The following CHD2 variants were observed in gnomAD, a reference collection of about 807,000 sequenced individuals.
The protein encoded by CHD2 is chromodomain helicase DNA binding protein 2.
In CHD2, 28 loss-of-function variants were observed where a neutral mutation model predicts 243.9. That is an observed-to-expected ratio of 0.11 (90% CI 0.09 to 0.16). CHD2 has a LOEUF of 0.16. Ranked by LOEUF, CHD2 falls within the 10% of genes least tolerant of loss-of-function variation. The probability of loss-of-function intolerance (pLI) is 1.00; values close to 1 mark genes in which losing one functional copy is unlikely to be tolerated. For synonymous variants in CHD2, 775 were observed against 779.0 expected, an observed-to-expected ratio of 0.99 and a Z score of 0.09; for missense variants, 1,386 against 2,209.8, an observed-to-expected ratio of 0.63 and a Z score of 7.47.
intron 6 of CHD2, 98 bp from the exon 7 acceptor site, chr15:92,939,480 C>T (rs2141778130): frequency 8.0e-7 from 1 of 1,254,444 alleles, no homozygotes; most frequent in Admixed American, 2.4e-5. Context: ...ATGTTACATT[C>T]TGATGTATGA....
intron 2 of CHD2, among the ~76,000 whole-genome samples, chr15:92,915,828 T>G (rs2052823882): frequency 6.6e-6 from 1 of 152,140 alleles, no homozygotes; most frequent in Admixed American, 6.5e-5. Context: ...TTTTCCTAAA[T>G]AAGATAGCTA....
intron 2 of CHD2, among the ~76,000 whole-genome samples, chr15:92,903,818 T>C (rs1342237386): frequency 6.6e-6 from 1 of 152,236 alleles, no homozygotes; most frequent in Admixed American, 6.5e-5. Context: ...TTATTAAATT[T>C]ATCTCCAAAT....
chr15:92,913,442 C>G (rs985450258), intron 2 of CHD2, among the ~76,000 whole-genome samples: 1 of 152,170 alleles, frequency 6.6e-6, no homozygotes, highest in African/African-American at 2.4e-5. Context: ...GCTTGTCACT[C>G]TGGGGGTGGG....
At chr15:92,980,394 TC>T (rs2053964408) in intron 22 of CHD2, among the ~76,000 whole-genome samples, 1 of 152,052 alleles carries the variant, frequency 6.6e-6, no homozygotes, top group Non-Finnish European at 1.5e-5. Flanking sequence ...AATTAGCCCT[TC>T]CTAAATAAAA....
intron 2 of CHD2, among the ~76,000 whole-genome samples, chr15:92,909,794 G>C (rs998463874): frequency 2.0e-5 from 3 of 152,014 alleles, no homozygotes; most frequent in Non-Finnish European, 4.4e-5. Context: ...TGGGATTACA[G>C]ATGTGAGCCA....
At chr15:92,981,876 T>C (rs895440474) in intron 24 of CHD2, among the ~76,000 whole-genome samples, 1 of 152,120 alleles carries the variant, frequency 6.6e-6, no homozygotes, top group African/African-American at 2.4e-5. Flanking sequence ...GTTTGGTAAG[T>C]GAGAGAAAGA....
Position 92,997,424 on chromosome 15 carries a change from A to G in CHD2, c.3885+21A>G, listed in dbSNP as rs1025024379. ...ACAAAGTAAGTAACCCTACCATGCT[A>G]GAGATTTCTAGAAGATTTGTTGTGT... On this transcript the variant is annotated intron_variant, in intron 30 of 38. Coordinates refer to ENST00000394196, the MANE Select transcript of CHD2 (RefSeq NM_001271.4). This position sits in a 1 kb window ranked among gnomAD's most constrained non-coding sequence, Gnocchi z 4.1. The G allele has an allele frequency of 6.6e-7, 1 of 1,525,428 alleles. No individual in the cohort carries two copies. 94.5% of individuals were successfully genotyped at this position (1,525,428 alleles called of 1,614,324 possible).
chr15:93,004,535 TAACAC>T, intron 33 of CHD2, 77 bp from the exon 34 acceptor site: 15 of 1,307,262 alleles, frequency 1.1e-5, no homozygotes, highest in Non-Finnish European at 1.4e-5. Context: ...CCCATTTTAA[TAACAC>T]AACATAGGTA....
chr15:93,019,519 ATGTC>A (rs879479318), intron 37 of CHD2, among the ~76,000 whole-genome samples: 35 of 152,356 alleles, frequency 2.3e-4, no homozygotes, highest in South Asian at 1.9e-3. Context: ...AAGAAATTTA[ATGTC>A]TGTTTGTAAC....
chr15:93,007,990 G>GAA (rs1257258670), intron 34 of CHD2, among the ~76,000 whole-genome samples: 1 of 152,188 alleles, frequency 6.6e-6, no homozygotes, highest in African/African-American at 2.4e-5. Context: ...AGTGGAGGAC[G>GAA]AAACATGTGA....
At chr15:92,933,872 T>C (rs2053220053) in intron 5 of CHD2, among the ~76,000 whole-genome samples, 1 of 152,168 alleles carries the variant, frequency 6.6e-6, no homozygotes, top group South Asian at 2.1e-4. Context: ...TCCCAAAGTG[T>C]TGGGATTACA....
At chr15:92,957,278 TCTGTCCCTTA>T (rs1278128642) in intron 16 of CHD2, among the ~76,000 whole-genome samples, 1 of 152,256 alleles carries the variant, frequency 6.6e-6, no homozygotes, top group Non-Finnish European at 1.5e-5. Context: ...TGGCTATCTT[TCTGTCCCTTA>T]AACATGCCAA....
chr15:92,911,725 A>G (rs2052739181), intron 2 of CHD2, among the ~76,000 whole-genome samples: 1 of 152,160 alleles, frequency 6.6e-6, no homozygotes, highest in African/African-American at 2.4e-5. Context: ...GCAGAGTGAG[A>G]CTGTGTCCCC....
rs1429428869 is a variant in CHD2, at chr15:93,024,615, C to T, written c.5397C>T (p.Ser1799=). ...CTTCTCAGAAATCTCCTCACGATTC[C>T]AAGTCACCCCTGGATCATAGGTCTC... is the stretch of plus-strand genomic sequence containing the variant. ...SPPSQKSPHD[S]KSPLDHRSPL... is the part of the protein sequence containing the mutation. The change falls in exon 39 of 39, where the codon TCC becomes TCT. Residue 1799 remains serine (S), a synonymous_variant. Transcript: ENST00000394196. 6.2e-7 allele frequency: 1 copy of T among 1,614,074 alleles called. No individual in the cohort carries two copies. Among genetic ancestry groups the T allele is most frequent in the African/African-American group, 1.3e-5 (1 of 74,906 alleles).
intron 38 of CHD2, among the ~76,000 whole-genome samples, chr15:93,023,111 A>T (rs1323310155): frequency 6.6e-6 from 1 of 152,186 alleles, no homozygotes; most frequent in Non-Finnish European, 1.5e-5. Flanking sequence ...GGCAGCCACC[A>T]CTTCTATCTA....
At chr15:92,974,180 T>A (rs2053878345) in intron 19 of CHD2, 1 of 152,222 alleles carries the variant, frequency 6.6e-6, no homozygotes. Flanking sequence ...TTCTTTAGTA[T>A]TTTATGTGTC....
At chr15:92,933,576 T>G (rs2053214549) in intron 5 of CHD2, among the ~76,000 whole-genome samples, 1 of 152,200 alleles carries the variant, frequency 6.6e-6, no homozygotes, top group East Asian at 1.9e-4. Context: ...TGTATAAGAT[T>G]TTTGTTGACT....
intron 2 of CHD2, among the ~76,000 whole-genome samples, chr15:92,910,081 A>G (rs994987572): frequency 9.2e-5 from 14 of 151,758 alleles, no homozygotes; most frequent in Non-Finnish European, 2.9e-5. Context: ...ATTTCGGTTC[A>G]CTGCAACCTC....
Position 92,941,970 on chromosome 15 carries a change from G to A in CHD2, c.826+15G>A. On this transcript the variant is annotated intron_variant, in intron 8 of 38. Transcript: ENST00000394196. ...AAAGAAAGGAGGTATGTGTATTTGGGGAGCAAATTACATTTTATGTATGCT... is the reference window on the plus strand; with the variant it reads ...AAAGAAAGGAGGTATGTGTATTTGGAGAGCAAATTACATTTTATGTATGCT... The A allele has an allele frequency of 6.2e-7, 1 of 1,604,812 alleles. No individual in the cohort carries two copies. The highest frequency in any genetic ancestry group is 1.1e-5 in the South Asian group (1 of 89,448).
Sources: allele counts gnomAD v4.1 joint callset (sites outside exome capture counted in the v4.1 genomes callset), GRCh38; gene constraint gnomAD v4.1.1; non-coding constraint Gnocchi (gnomAD v3.1); transcripts MANE v1.5; gene names NCBI Gene and HGNC (gene_info 2026-07-23, HGNC 2026-07-21).